Variants in PEAR1 observed in about 807,000 individuals in gnomAD.
The protein encoded by PEAR1 is platelet endothelial aggregation receptor 1.
Under a neutral mutation model 131.2 loss-of-function variants are expected in PEAR1, and 113 were observed. The ratio of observed to expected loss-of-function variants is 0.86; its 90% CI spans 0.74 to 1.01. The LOEUF is 1.01. Among genes scored for constraint, PEAR1 ranks in the 50% least tolerant of loss-of-function variants. PEAR1 has a pLI of 0.00. For missense variants in PEAR1, 1,408 were observed against 1,391.1 expected (o/e 1.01, Z -0.19); for synonymous variants, 565 against 523.3 (o/e 1.08, Z -1.09).
chr1:156,913,181 G>A lies in PEAR1; in HGVS notation c.2423-13G>A. On this transcript the variant is annotated splice_polypyrimidine_tract_variant and intron_variant, in intron 18 of 22. Coordinates refer to ENST00000292357, the MANE Select transcript of PEAR1 (RefSeq NM_001080471.3). ...ATCGCTGAGCTCACCCTGTGCTTGT[G>A]TCTGTCATGCAGATGTCCCTCCGAG... 6.2e-7 allele frequency: 1 copy of A among 1,612,042 alleles called. No individual in the cohort carries two copies. Among genetic ancestry groups the A allele is most frequent in the South Asian group, 1.1e-5 (1 of 90,728 alleles).
chr1:156,907,765 G>GT (rs777084072), intron 7 of PEAR1, 35 bp downstream of exon 7: 2 of 1,586,318 alleles, frequency 1.3e-6, no homozygotes, highest in Admixed American at 3.4e-5. Flanking sequence ...ATGGGGTGTG[G>GT]GTCTGGGGAG....
Position 156,914,082 on chromosome 1 carries a change from C to T in PEAR1, c.2944C>T (p.Pro982Ser), listed in dbSNP as rs762050178. 4.4e-6 allele frequency: 7 copies of T among 1,601,028 alleles called. No homozygotes were observed. Among genetic ancestry groups the T allele is most frequent in the Admixed American group, 1.7e-5 (1 of 58,694 alleles). ...PQRDSGTYEQPSPLIHDRDSV... is the reference protein window; with the variant it reads ...PQRDSGTYEQSSPLIHDRDSV... The stretch of plus-strand genomic sequence containing the variant: ...GAGAGACAGTGGCACCTACGAGCAG[C>T]CCAGCCCCCTGATCCATGGTGAGCC... The change falls in exon 22 of 23, where the codon CCC (proline) becomes TCC (serine). Residue 982 changes from proline (P) to serine (S), a missense_variant. By Grantham distance (74) the Pro-to-Ser change is moderately conservative (BLOSUM62 -1). Coordinates refer to ENST00000292357, the MANE Select transcript of PEAR1 (RefSeq NM_001080471.3).
chr1:156,905,069 A>C, intron 3 of PEAR1: 12 of 1,134,924 alleles, frequency 1.1e-5, no homozygotes, highest in Non-Finnish European at 1.4e-5. Flanking sequence ...GTTACAGTAT[A>C]TGCCTGTGGG....
At position 156,899,094 on chromosome 1, in the gene PEAR1, C is replaced by G. The variant is rs144109522; in HGVS notation, c.-9-4824C>G. On this transcript the variant is annotated intron_variant, in intron 1 of 22. Coordinates refer to ENST00000292357, the MANE Select transcript of PEAR1 (RefSeq NM_001080471.3). ...TCTGTTCCAGAATGGTCACTGGAACCAGCAGTTCCAACCTTTGCAGGGCCC... is the reference window on the plus strand; with the variant it reads ...TCTGTTCCAGAATGGTCACTGGAACGAGCAGTTCCAACCTTTGCAGGGCCC... Among the ~76,000 whole-genome samples, 51 of 152,284 alleles carry G rather than the reference C, an allele frequency of 3.3e-4. No homozygotes were observed. The East Asian group carries it at 9.1e-3, about 27-fold the overall frequency.
chr1:156,910,765 T>C (rs1235226224), intron 15 of PEAR1, 22 bp downstream of exon 15: 2 of 1,613,396 alleles, frequency 1.2e-6, no homozygotes, highest in Non-Finnish European at 1.7e-6. Context: ...CTTGTGTGTC[T>C]GAGCATACGT....
Position 156,909,944 on chromosome 1 carries a change from G to A in PEAR1, c.1575+30G>A, listed in dbSNP as rs540742579. ...GTGCTGGACAGCCTGTCTGCCTGGG[G>A]GTGGGGAGGGCATGGCGTCCCCCAG... On this transcript the variant is annotated intron_variant, in intron 12 of 22. Coordinates refer to ENST00000292357, the MANE Select transcript of PEAR1 (RefSeq NM_001080471.3). 6.2e-6 allele frequency: 10 copies of A among 1,611,962 alleles called. No homozygotes were observed. In the African/African-American group the frequency reaches 8.0e-5, roughly 13 times the overall value.
intron 11 of PEAR1, among the ~76,000 whole-genome samples, chr1:156,909,304 G>A (rs976510077): frequency 4.6e-5 from 7 of 152,184 alleles, no homozygotes; most frequent in African/African-American, 1.2e-4. Flanking sequence ...TCAGTCATAC[G>A]GAAACACAAT....
In PEAR1 at chr1:156,916,183, G is replaced by T. The variant is rs1264026946; in HGVS notation, c.*1385G>T. The T allele has an allele frequency of 6.6e-6, 1 of 152,214 alleles. No individual in the cohort carries two copies. The highest frequency in any genetic ancestry group is 1.5e-5 in the Non-Finnish European group (1 of 68,048). The allele number at this position is 152,214 out of a possible 1,614,324, so 9.4% of individuals were successfully genotyped here. A position where few individuals can be genotyped will look rare whatever the true frequency, so the allele number is the denominator to read the frequency against. On this transcript the variant is annotated 3_prime_UTR_variant, in exon 23 of 23. Transcript: ENST00000292357. ...ACAGCAATAGGTTAAGAAAAGCAAAGCAGAGAAATTGAAGATTTGTGTCAA... is the reference window on the plus strand; with the variant it reads ...ACAGCAATAGGTTAAGAAAAGCAAATCAGAGAAATTGAAGATTTGTGTCAA...
intron 4 of PEAR1, 79 bp downstream of exon 4, chr1:156,905,503 C>T (rs978846383): frequency 1.6e-5 from 21 of 1,281,374 alleles, no homozygotes; most frequent in Middle Eastern, 2.0e-4. Flanking sequence ...GAGTCCCTCC[C>T]GGCCCCCGCT....
chr1:156,910,095 G>A lies in PEAR1; in HGVS notation c.1665G>A (p.Gln555=), dbSNP rs1417698574. ...CTGTTCATGGACGCTGTCAGTGCCA[G>A]GCTGGCTGGATGGGTGAGCATTCTG... ...CDPVHGRCQC[Q]AGWMGARCHL... Residue 555 remains glutamine (Q), a synonymous_variant, in exon 13 of 23, where the codon CAG becomes CAA. Transcript: ENST00000292357. The A allele has an allele frequency of 1.2e-6, 2 of 1,614,170 alleles. No homozygotes were observed. Among genetic ancestry groups the A allele is most frequent in the South Asian group, 2.2e-5 (2 of 91,092 alleles).
At position 156,912,967 on chromosome 1, in the gene PEAR1, G is replaced by A. The variant is rs542044189; in HGVS notation, c.2407G>A (p.Glu803Lys). ...AYSSGRLDGSEYVMPDVPPSY... is the reference protein window; with the variant it reads ...AYSSGRLDGSKYVMPDVPPSY... ...CAGCAGCGGGCGCCTGGACGGCTCC[G>A]AGTATGTCATGCCAGGTGAGCTGGC... Residue 803 changes from glutamate (E) to lysine (K), a missense_variant, in exon 18 of 23, where the codon GAG becomes AAG. By Grantham distance (56) the Glu-to-Lys change is moderately conservative. Coordinates refer to ENST00000292357, the MANE Select transcript of PEAR1 (RefSeq NM_001080471.3). 9.9e-6 allele frequency: 16 copies of A among 1,614,096 alleles called. No homozygotes were observed. The highest frequency in any genetic ancestry group is 2.2e-5 in the East Asian group (1 of 44,890).
In PEAR1 at chr1:156,908,101, G is replaced by A. The variant is rs769187229; in HGVS notation, c.903-27G>A. ...GACGGGAGGGAGGAGGTGGGGCGCC[G>A]CCAGGCTCACTCAGCTAGGTGCCCA... On this transcript the variant is annotated intron_variant, in intron 8 of 22. Transcript: ENST00000292357. The surrounding 1 kb of genome is among the most constrained non-coding windows in gnomAD (Gnocchi z 4.2). 5.0e-6 allele frequency: 8 copies of A among 1,585,398 alleles called. No homozygotes were observed. The highest frequency in any genetic ancestry group is 1.8e-5 in the Admixed American group (1 of 57,112).
Position 156,908,372 on chromosome 1 carries a change from G to T in PEAR1, c.1115+32G>T. On this transcript the variant is annotated intron_variant, in intron 9 of 22. Coordinates refer to ENST00000292357, the MANE Select transcript of PEAR1 (RefSeq NM_001080471.3). This position sits in a 1 kb window ranked among gnomAD's most constrained non-coding sequence, Gnocchi z 4.2. ...CGCGGGACATGTGGTCAAAGGATCA[G>T]GAGGCCAATGGGGAGGTCTTCCTGG... 4.1e-6 allele frequency: 6 copies of T among 1,471,488 alleles called. No homozygotes were observed. Among genetic ancestry groups the T allele is most frequent in the Non-Finnish European group, 5.4e-6 (6 of 1,109,578 alleles). 91.2% of individuals were successfully genotyped at this position (1,471,488 alleles called of 1,614,324 possible).
chr1:156,909,142 T>C (rs897245372), intron 11 of PEAR1, 106 bp downstream of exon 11: 2 of 1,475,834 alleles, frequency 1.4e-6, no homozygotes, highest in Non-Finnish European at 1.8e-6. Context: ...GGCTGCAGGG[T>C]AAGGGTGGAG....
intron 1 of PEAR1, among the ~76,000 whole-genome samples, chr1:156,903,269 T>A (rs1440022355): frequency 6.6e-6 from 1 of 152,142 alleles, no homozygotes; most frequent in African/African-American, 2.4e-5. Context: ...CAGCGTTTCA[T>A]CAGGCTGGTT....
rs1418797510 is a variant in PEAR1, at chr1:156,908,278, C to T, written c.1053C>T (p.Pro351=). The T allele has an allele frequency of 6.3e-7, 1 of 1,585,800 alleles. No homozygotes were observed. Among genetic ancestry groups the T allele is most frequent in the African/African-American group, 1.3e-5 (1 of 74,706 alleles). ...ACCGCTGCACGGATCGCCTCTGCCC[C>T]GACGGCTTCTACGGTCTCAGCTGCC... is the stretch of plus-strand genomic sequence containing the variant. ...TGDRCTDRLC[P]DGFYGLSCQA... is the part of the protein sequence containing the mutation. The change falls in exon 9 of 23, where the codon CCC becomes CCT. Residue 351 remains proline (P), a synonymous_variant. Transcript: ENST00000292357. This position sits in a 1 kb window ranked among gnomAD's most constrained non-coding sequence, Gnocchi z 4.2.
intron 4 of PEAR1, 95 bp downstream of exon 4, chr1:156,905,519 G>A: frequency 8.7e-7 from 1 of 1,143,370 alleles, no homozygotes; most frequent in Non-Finnish European, 1.2e-6. Context: ...CCGCTAGAAT[G>A]GGGTTACTCC....
intron 1 of PEAR1, among the ~76,000 whole-genome samples, chr1:156,894,519 A>G (rs527814157): frequency 1.3e-5 from 2 of 152,294 alleles, no homozygotes; most frequent in South Asian, 4.1e-4. Context: ...TGGCTCTCAC[A>G]TCTTTGCCAG....
rs1023475096 is a variant in PEAR1, at chr1:156,907,917, C to T, written c.768C>T (p.Gly256=). 1 of 1,596,356 alleles carries T rather than the reference C, an allele frequency of 6.3e-7. No individual in the cohort carries two copies. The highest frequency in any genetic ancestry group is 1.7e-5 in the Admixed American group (1 of 57,300). The part of the protein sequence containing the change: ...GSCSCPPGWM[G]TICSLPCPEG... ...CTGTTGACCTCTTATCCCCACAGGG[C>T]ACCATCTGCTCCCTGCCCTGCCCAG... Residue 256 remains glycine (G), a splice_region_variant and synonymous_variant, in exon 8 of 23, where the codon GGC becomes GGT. Coordinates refer to ENST00000292357, the MANE Select transcript of PEAR1 (RefSeq NM_001080471.3).
Sources: gnomAD v4.1 joint callset for allele counts (sites outside exome capture counted in the v4.1 genomes callset) on GRCh38, gnomAD v4.1.1 for gene constraint, Gnocchi (gnomAD v3.1) non-coding constraint, MANE v1.5 for transcripts, NCBI Gene and HGNC (gene_info 2026-07-23, HGNC 2026-07-21) for gene names.